The following PLCH1 variants were observed in gnomAD, a reference collection of about 807,000 sequenced individuals.
PLCH1 encodes the protein phospholipase C eta 1.
In PLCH1, 60 loss-of-function variants were observed where a neutral mutation model predicts 126.7. That is an observed-to-expected ratio of 0.47 (90% confidence interval 0.38 to 0.59). The LOEUF is 0.59. PLCH1 is among the 20% of genes least tolerant of loss of function. The pLI, the probability that PLCH1 is intolerant of heterozygous loss-of-function variation, is 0.00. For synonymous variants in PLCH1, 719 were observed against 734.9 expected, an observed-to-expected ratio of 0.98 and a Z score of 0.35; for missense variants, 1,723 against 2,040.0, an observed-to-expected ratio of 0.84 and a Z score of 2.99.
At chr3:155,688,277 A>G (rs1250049756) in intron 2 of PLCH1, among the ~76,000 whole-genome samples, 2 of 152,238 alleles carry the variant, frequency 1.3e-5, no homozygotes, top group Non-Finnish European at 2.9e-5. Flanking sequence ...CAATATTCCA[A>G]TGCCATAAAT....
chr3:155,562,204 C>T (rs1727729900), intron 8 of PLCH1, among the ~76,000 whole-genome samples: 1 of 152,180 alleles, frequency 6.6e-6, no homozygotes, highest in Non-Finnish European at 1.5e-5. Flanking sequence ...TGACCTCCTC[C>T]AGGCCAATAA....
chr3:155,525,132 C>A (rs1721725977), intron 10 of PLCH1, among the ~76,000 whole-genome samples: 1 of 152,102 alleles, frequency 6.6e-6, no homozygotes, highest in Admixed American at 6.5e-5. Flanking sequence ...ACAGCCTGGG[C>A]AACATAGTAA....
chr3:155,498,872 A>G (rs888965077), intron 14 of PLCH1, among the ~76,000 whole-genome samples: 2 of 152,146 alleles, frequency 1.3e-5, no homozygotes, highest in Non-Finnish European at 2.9e-5. Context: ...TCTGCAGTCA[A>G]GTCCTCCACA....
At position 155,481,744 on chromosome 3, in the gene PLCH1, C is replaced by A. The variant is rs771978600; in HGVS notation, c.4282G>T (p.Ala1428Ser). The part of the protein sequence containing the change: ...DVKTQSISYL[A>S]YQGAGFVHNH... ...TGCACAAAGCCAGCACCCTGATAGG[C>A]TAGATAAGAAATACTTTGAGTTTTG... The change falls in exon 23 of 23, where the codon GCC becomes TCC. Residue 1428 changes from alanine to serine, a missense_variant. Ala to Ser is a moderately conservative substitution (Grantham distance 99, BLOSUM62 1). This residue lies in a region of PLCH1 where 947 missense variants were observed against 977.1 expected (regional missense o/e 0.97). Coordinates refer to ENST00000460012, the MANE Select transcript of PLCH1 (RefSeq NM_014996.4). The surrounding 1 kb of genome is among the most constrained non-coding windows in gnomAD (Gnocchi z 4.2). 2 of 1,614,140 alleles carry A rather than the reference C, an allele frequency of 1.2e-6. No individual in the cohort carries two copies. Among genetic ancestry groups the A allele is most frequent in the Non-Finnish European group, 1.7e-6 (2 of 1,180,014 alleles).
In PLCH1 at chr3:155,584,845, C is replaced by T. The variant is rs79399958; in HGVS notation, c.601-1203G>A. On this transcript the variant is annotated intron_variant, in intron 5 of 22. Coordinates refer to ENST00000460012, the MANE Select transcript of PLCH1 (RefSeq NM_014996.4). The stretch of plus-strand genomic sequence containing the variant: ...TGATTTGTATAGGTACAGACTTTGT[C>T]CCCCCCCTTTAGGATTGGCCTCTTA... Among the ~76,000 whole-genome samples the T allele has an allele frequency of 4.7e-3, 709 of 151,596 alleles. 6 individuals carry two copies. Among genetic ancestry groups the T allele is most frequent in the South Asian group, 8.6e-3 (41 of 4,790 alleles).
At chr3:155,587,908 T>C (rs1731594277) in intron 4 of PLCH1, among the ~76,000 whole-genome samples, 1 of 152,104 alleles carries the variant, frequency 6.6e-6, no homozygotes, top group Non-Finnish European at 1.5e-5. Context: ...TAAACTTCAA[T>C]ATTGAAGGGT....
At chr3:155,469,546 A>T (rs370513488) in intron 21 of PLCH1, among the ~76,000 whole-genome samples, 38 of 152,108 alleles carry the variant, frequency 2.5e-4, no homozygotes, top group African/African-American at 8.5e-4. Context: ...CAAAGCAGCC[A>T]GGAAGCTCAA....
chr3:155,698,069 A>G (rs1444863878), intron 2 of PLCH1, among the ~76,000 whole-genome samples: 2 of 152,210 alleles, frequency 1.3e-5, no homozygotes, highest in Non-Finnish European at 2.9e-5. Context: ...ATTTGAGATT[A>G]AAATTTTAAA....
intron 1 of PLCH1, among the ~76,000 whole-genome samples, chr3:155,730,065 TA>T (rs2109171367): frequency 6.6e-6 from 1 of 152,220 alleles, no homozygotes; most frequent in East Asian, 1.9e-4. Flanking sequence ...GTGGTAAAAT[TA>T]AGAATTAAAG....
At chr3:155,710,392 T>G (rs1747014187) in intron 1 of PLCH1, among the ~76,000 whole-genome samples, 1 of 152,352 alleles carries the variant, frequency 6.6e-6, no homozygotes, top group Middle Eastern at 3.4e-3. Flanking sequence ...TCACTAACAG[T>G]GTCTTTTGTG....
intron 10 of PLCH1, among the ~76,000 whole-genome samples, chr3:155,539,921 G>A (rs568643774): frequency 3.9e-5 from 6 of 152,066 alleles, no homozygotes; most frequent in South Asian, 2.1e-4. Flanking sequence ...AAGAGGGCCC[G>A]CATACCCAAG....
intron 11 of PLCH1, among the ~76,000 whole-genome samples, chr3:155,517,170 G>T (rs929775931): frequency 6.6e-6 from 1 of 152,064 alleles, no homozygotes; most frequent in Non-Finnish European, 1.5e-5. Context: ...AGCTGGGCAT[G>T]GTGGCATGCA....
chr3:155,704,194 A>G lies in PLCH1; in HGVS notation c.31T>C (p.Cys11Arg). The change falls in exon 2 of 23, where the codon TGT becomes CGT. Residue 11 changes from cysteine to arginine, a missense_variant. Around this residue, in one of 2 missense-constraint regions of PLCH1, gnomAD observed 776 missense variants for 1,062.9 expected, o/e 0.73. Transcript: ENST00000460012. ...AGAAAATGCCTGCGGTACTGCACAC[A>G]GTTCCTTTTTTCCAAGTTCCAGTAA... is the stretch of plus-strand genomic sequence containing the variant. MSYWNLEKRNCVQYRRHFLVD... is the reference protein window; with the variant it reads MSYWNLEKRNRVQYRRHFLVD... 1 of 1,230,390 alleles carries G rather than the reference A, an allele frequency of 8.1e-7. No individual in the cohort carries two copies. The highest frequency in any genetic ancestry group is 1.6e-5 in the African/African-American group (1 of 64,510). 76.2% of individuals were successfully genotyped at this position (1,230,390 alleles called of 1,614,324 possible). A position where few individuals can be genotyped will look rare whatever the true frequency, so the allele number is the denominator to read the frequency against.
At position 155,504,571 on chromosome 3, in the gene PLCH1, T is replaced by G; in HGVS notation, c.1688A>C (p.Asn563Thr). ...AATTCATACCTTATGTTTTCCAAAG[T>G]TGGTCATGAGGGATCGTCCATGTGA... ...KKSHGRSLMT[N>T]FGKHKKTTKS... The change falls in exon 13 of 23, where the codon AAC (asparagine) becomes ACC (threonine). Residue 563 changes from asparagine to threonine, a missense_variant. Around this residue, in one of 2 missense-constraint regions of PLCH1, gnomAD observed 776 missense variants for 1,062.9 expected, o/e 0.73. Transcript: ENST00000460012. The G allele has an allele frequency of 6.2e-7, 1 of 1,601,030 alleles. No homozygotes were observed. The highest frequency in any genetic ancestry group is 8.6e-7 in the Non-Finnish European group (1 of 1,168,104).
intron 2 of PLCH1, among the ~76,000 whole-genome samples, chr3:155,598,365 C>T (rs359572): frequency 0.61 from 92,671 of 151,922 alleles, 29,478 homozygotes; most frequent in Middle Eastern, 0.75. Context: ...CCATCTCACA[C>T]GAGGAATTAA....
intron 1 of PLCH1, among the ~76,000 whole-genome samples, chr3:155,735,801 A>C (rs1577387660): frequency 6.6e-6 from 1 of 152,224 alleles, no homozygotes; most frequent in African/African-American, 2.4e-5. Flanking sequence ...TAAAGAAAAT[A>C]AATAGTTTAA....
intron 2 of PLCH1, among the ~76,000 whole-genome samples, chr3:155,614,571 G>A (rs1735551329): frequency 6.6e-6 from 1 of 152,098 alleles, no homozygotes; most frequent in Admixed American, 6.5e-5. Flanking sequence ...GCATAGTACT[G>A]GCATAAAAAT....
chr3:155,594,309 G>T, intron 3 of PLCH1, 125 bp from the exon 4 acceptor site: 1 of 884,908 alleles, frequency 1.1e-6, no homozygotes, highest in Admixed American at 2.6e-5. Context: ...GGGTGCTCAC[G>T]CTTGTAATCC....
At chr3:155,650,940 A>G (rs1219255605) in intron 2 of PLCH1, among the ~76,000 whole-genome samples, 2 of 152,218 alleles carry the variant, frequency 1.3e-5, no homozygotes, top group Non-Finnish European at 2.9e-5. Flanking sequence ...AGGGAGGGTC[A>G]GGCAGGAGAA....
Sources: allele counts gnomAD v4.1 joint callset (sites outside exome capture counted in the v4.1 genomes callset), GRCh38; gene constraint gnomAD v4.1.1; regional missense constraint gnomAD v4.1.1; non-coding constraint Gnocchi (gnomAD v3.1); transcripts MANE v1.5; gene names NCBI Gene and HGNC (gene_info 2026-07-23, HGNC 2026-07-21).